The following CPNE4 variants were observed in gnomAD, a reference collection of about 807,000 sequenced individuals.
CPNE4 encodes copine 4, also known as copine-4.
CPNE4 carries 25 observed loss-of-function variants against 67.9 expected under a neutral mutation model. The ratio of observed to expected loss-of-function variants is 0.37; its 90% confidence interval spans 0.27 to 0.51. The LOEUF is 0.51. CPNE4 is among the 20% of genes least tolerant of loss of function. CPNE4 has a pLI of 0.93. For missense variants in CPNE4, 464 were observed against 690.8 expected (o/e 0.67, Z 3.68); for synonymous variants, 242 against 244.9 (o/e 0.99, Z 0.11).
intron 7 of CPNE4, among the ~76,000 whole-genome samples, chr3:131,650,742 C>A (rs1447816116): frequency 1.1e-4 from 4 of 36,018 alleles, no homozygotes; most frequent in South Asian, 3.3e-3. Flanking sequence ...AAGACTCCGT[C>A]TCAAAAAAAA....
intron 1 of CPNE4, among the ~76,000 whole-genome samples, chr3:132,027,379 T>C (rs2074135282): frequency 6.6e-6 from 1 of 152,210 alleles, no homozygotes; most frequent in Admixed American, 6.5e-5. Flanking sequence ...GATTGCCAAG[T>C]TCTCACATTC....
chr3:131,952,594 C>G (rs971513203), intron 1 of CPNE4, among the ~76,000 whole-genome samples: 11 of 65,854 alleles, frequency 1.7e-4, no homozygotes, highest in African/African-American at 6.6e-4. Context: ...CCCGCCCGGC[C>G]AGCCGCCCCG....
intron 6 of CPNE4, among the ~76,000 whole-genome samples, chr3:131,676,067 ATTATTT>A (rs2080558241): frequency 8.7e-6 from 1 of 115,312 alleles, no homozygotes; most frequent in Non-Finnish European, 1.8e-5. Flanking sequence ...TATTATTATT[ATTATTT>A]GAGATGGAGT....
chr3:131,751,678 T>C (rs2082628627), intron 2 of CPNE4, among the ~76,000 whole-genome samples: 1 of 152,176 alleles, frequency 6.6e-6, no homozygotes, highest in Non-Finnish European at 1.5e-5. Flanking sequence ...GAGATAATCC[T>C]GGCTTTTGGT....
chr3:131,709,752 T>C (rs1377413886), intron 3 of CPNE4, among the ~76,000 whole-genome samples: 2 of 152,220 alleles, frequency 1.3e-5, no homozygotes, highest in African/African-American at 4.8e-5. Context: ...TTTGTGAGGA[T>C]TAAATGAGAT....
chr3:131,799,068 T>C (rs1583216685), intron 2 of CPNE4, among the ~76,000 whole-genome samples: 1 of 152,146 alleles, frequency 6.6e-6, no homozygotes, highest in South Asian at 2.1e-4. Context: ...AGAGCTTAAG[T>C]TGTATTTACT....
chr3:131,643,979 T>C (rs957247607), intron 7 of CPNE4, among the ~76,000 whole-genome samples: 2 of 152,126 alleles, frequency 1.3e-5, no homozygotes, highest in Admixed American at 1.3e-4. Flanking sequence ...TATTTCTTCA[T>C]AGCAGCGCGA....
chr3:131,992,002 G>A (rs372209150), intron 1 of CPNE4, among the ~76,000 whole-genome samples: 1 of 136,754 alleles, frequency 7.3e-6, no homozygotes, highest in African/African-American at 2.5e-5. Flanking sequence ...TTCAAAGGAG[G>A]TATGGAAATG....
At chr3:131,946,286 G>A (rs906033151) in intron 1 of CPNE4, among the ~76,000 whole-genome samples, 2 of 152,042 alleles carry the variant, frequency 1.3e-5, no homozygotes, top group Admixed American at 1.3e-4. Context: ...TTGTCCTTTT[G>A]TGTCTGGTAT....
chr3:131,684,797 C>T (rs2080847748), intron 6 of CPNE4, among the ~76,000 whole-genome samples: 1 of 152,086 alleles, frequency 6.6e-6, no homozygotes, highest in Admixed American at 6.5e-5. Context: ...CTACAAAATC[C>T]CTCTTGGACT....
At chr3:131,942,483 A>T (rs879789277) in intron 1 of CPNE4, among the ~76,000 whole-genome samples, 13,116 of 126,150 alleles carry the variant, frequency 0.1, 560 homozygotes, top group African/African-American at 0.13. Flanking sequence ...AGAGAGAGAG[A>T]GAGAGAGAGA....
rs1303284449 is a variant in CPNE4 at position 131,726,585 on chromosome 3, T to C, written c.181-2960A>G. Among the ~76,000 whole-genome samples, 3 of 152,110 alleles carry C rather than the reference T, an allele frequency of 2.0e-5. No individual in the cohort carries two copies. The East Asian group carries it at 5.8e-4, about 29-fold the overall frequency. ...TGGAAGATGCATTATTTTTTTCTGG[T>C]GCCTAATCCAGGTTTCACATGAGCA... On this transcript the variant is annotated intron_variant, in intron 2 of 15. Coordinates refer to ENST00000429747, the MANE Select transcript of CPNE4 (RefSeq NM_130808.3).
At chr3:131,823,860 C>T (rs1237093600) in intron 2 of CPNE4, among the ~76,000 whole-genome samples, 2 of 152,168 alleles carry the variant, frequency 1.3e-5, no homozygotes, top group Non-Finnish European at 2.9e-5. Context: ...TACTAGTATG[C>T]ACATTAAAAC....
At chr3:131,866,570 G>C (rs1264007723) in intron 2 of CPNE4, among the ~76,000 whole-genome samples, 4 of 152,194 alleles carry the variant, frequency 2.6e-5, no homozygotes, top group African/African-American at 9.6e-5. Flanking sequence ...TAGATTCAAG[G>C]GAGGCTGAAA....
chr3:131,938,977 A>C (rs553711955), intron 1 of CPNE4, among the ~76,000 whole-genome samples: 157 of 152,194 alleles, frequency 1.0e-3, no homozygotes, highest in Non-Finnish European at 2.0e-3. Context: ...AAAACTTGTC[A>C]ATATAGCTTG....
At chr3:131,858,915 C>A (rs2086562575) in intron 2 of CPNE4, among the ~76,000 whole-genome samples, 1 of 152,104 alleles carries the variant, frequency 6.6e-6, no homozygotes, top group African/African-American at 2.4e-5. Flanking sequence ...TTTTAGGAAG[C>A]TTTAAAAGAG....
chr3:131,860,727 G>A (rs2086643436), intron 2 of CPNE4, among the ~76,000 whole-genome samples: 1 of 152,180 alleles, frequency 6.6e-6, no homozygotes, highest in Admixed American at 6.5e-5. Flanking sequence ...TTATGTCACG[G>A]AAGATGCTAG....
intron 1 of CPNE4, among the ~76,000 whole-genome samples, chr3:132,018,546 C>G (rs890629989): frequency 9.9e-5 from 15 of 152,194 alleles, no homozygotes; most frequent in African/African-American, 3.4e-4. Flanking sequence ...CTTTCTTCCC[C>G]TAGCACCCCT....
intron 1 of CPNE4, among the ~76,000 whole-genome samples, chr3:132,005,556 A>G (rs1326509770): frequency 6.6e-6 from 1 of 151,744 alleles, no homozygotes; most frequent in Non-Finnish European, 1.5e-5. Context: ...ACCAGCTGAC[A>G]TTCATCTATT....
Sources: gnomAD v4.1 joint callset for allele counts (sites outside exome capture counted in the v4.1 genomes callset) on GRCh38, gnomAD v4.1.1 for gene constraint, MANE v1.5 for transcripts, NCBI Gene and HGNC (gene_info 2026-07-23, HGNC 2026-07-21) for gene names.